Variants in DNAH5 observed in about 807,000 individuals in gnomAD.
DNAH5 encodes the protein dynein axonemal heavy chain 5.
A neutral mutation model predicts 518.2 loss-of-function variants in DNAH5; 372 were observed. The observed-to-expected ratio is 0.72, with a 90% CI of 0.66 to 0.78. DNAH5 has a LOEUF of 0.78. Among genes scored for constraint, DNAH5 ranks in the 30% least tolerant of loss-of-function variants. DNAH5 has a pLI of 0.00. For synonymous variants in DNAH5, 2,039 were observed against 2,025.9 expected (o/e 1.01, Z -0.17); for missense variants, 5,523 against 5,687.0 (o/e 0.97, Z 0.93).
At chr5:13,742,169 G>A (rs925642592) in intron 65 of DNAH5, among the ~76,000 whole-genome samples, 2 of 152,116 alleles carry the variant, frequency 1.3e-5, no homozygotes, top group East Asian at 1.9e-4. Context: ...TAGCTGAAAA[G>A]GGATAAGAAA....
At chr5:13,745,587 A>G (rs1337047317) in intron 65 of DNAH5, among the ~76,000 whole-genome samples, 1 of 152,060 alleles carries the variant, frequency 6.6e-6, no homozygotes. Context: ...GACACAGAAC[A>G]GCTGATGAAT....
chr5:14,004,663 C>T (rs2152086389), intron 1 of DNAH5, among the ~76,000 whole-genome samples: 1 of 152,328 alleles, frequency 6.6e-6, no homozygotes, highest in East Asian at 1.9e-4. Context: ...ACCACACTTA[C>T]TCTGTGAGGT....
In DNAH5 at chr5:13,855,354, G is replaced by A. The variant is rs1331886295; in HGVS notation, c.4950+4098C>T. 2.9e-5 allele frequency among the ~76,000 whole-genome samples: 3 copies of A among 104,316 alleles called. 1 individual carries two copies. The highest frequency in any genetic ancestry group is 6.9e-5 in the African/African-American group (2 of 29,144). 68.4% of individuals were successfully genotyped at this position (104,316 alleles called of 152,430 possible). On this transcript the variant is annotated intron_variant, in intron 30 of 78. Coordinates refer to ENST00000265104, the MANE Select transcript of DNAH5 (RefSeq NM_001369.3). Reference sequence around the variant, plus strand: ...CTCCCAAGTAGCTGGGACTACAGGCGCCCGCCACTACGCCCGGCTAATTTT... The same window carrying A: ...CTCCCAAGTAGCTGGGACTACAGGCACCCGCCACTACGCCCGGCTAATTTT...
rs748029385 is a variant in DNAH5 at position 13,817,522 on chromosome 5, A to G, written c.6988+26T>C. The G allele has an allele frequency of 4.3e-6, 7 of 1,610,282 alleles. No homozygotes were observed. In the Admixed American group the frequency reaches 8.3e-5, roughly 19 times the overall value. ...GATTCTATCTAGAAGTATAATCAAAAATAATCCTTGTAATTTATCTTCTAC... is the reference window on the plus strand; with the variant it reads ...GATTCTATCTAGAAGTATAATCAAAGATAATCCTTGTAATTTATCTTCTAC... On this transcript the variant is annotated intron_variant, in intron 42 of 78. Transcript: ENST00000265104.
rs529080443 is a variant in DNAH5 at position 13,810,193 on chromosome 5, G to A, written c.7475C>T (p.Ala2492Val). The part of the protein sequence containing the change: ...RLFVFALLWS[A>V]GAALELDGRR... ...TCCGTCCAGCTCCAGCGCCGCCCCC[G>A]CGCTCCACAGCAGCGCGAACACGAA... The change falls in exon 45 of 79, where the codon GCG becomes GTG. Residue 2492 changes from alanine to valine, a missense_variant. This residue lies in a region of DNAH5 where 5,121 missense variants were observed against 5,223.3 expected (regional missense o/e 0.98). Transcript: ENST00000265104. The A allele has an allele frequency of 2.1e-5, 33 of 1,549,524 alleles. No individual in the cohort carries two copies. Among genetic ancestry groups the A allele is most frequent in the Admixed American group, 2.0e-4 (10 of 50,944 alleles).
At chr5:13,913,134 C>A (rs1776221729) in intron 11 of DNAH5, among the ~76,000 whole-genome samples, 1 of 151,928 alleles carries the variant, frequency 6.6e-6, no homozygotes, top group Non-Finnish European at 1.5e-5. Context: ...TTGACTATGT[C>A]CATATTAAGA....
intron 1 of DNAH5, among the ~76,000 whole-genome samples, chr5:13,951,078 C>T (rs1780356538): frequency 6.6e-6 from 1 of 151,910 alleles, no homozygotes; most frequent in African/African-American, 2.4e-5. Flanking sequence ...TCACATTTTG[C>T]TACCTTTTAA....
At chr5:13,772,223 T>G (rs369786726) in intron 55 of DNAH5, among the ~76,000 whole-genome samples, 2 of 152,214 alleles carry the variant, frequency 1.3e-5, no homozygotes, top group East Asian at 3.8e-4. Flanking sequence ...ATGCTTTACT[T>G]GGCATTATGG....
chr5:13,858,959 T>C (rs2151898667), intron 30 of DNAH5, among the ~76,000 whole-genome samples: 1 of 152,330 alleles, frequency 6.6e-6, no homozygotes, highest in Non-Finnish European at 1.5e-5. Context: ...ATGATAAATA[T>C]ATACTTGACA....
chr5:13,975,896 C>A (rs1196189812), intron 1 of DNAH5, among the ~76,000 whole-genome samples: 1 of 152,202 alleles, frequency 6.6e-6, no homozygotes, highest in Non-Finnish European at 1.5e-5. Flanking sequence ...TTCTGCCAGG[C>A]ATGGTGGCTC....
chr5:13,907,459 G>T (rs189542010), intron 12 of DNAH5, among the ~76,000 whole-genome samples: 1 of 152,222 alleles, frequency 6.6e-6, no homozygotes, highest in African/African-American at 2.4e-5. Flanking sequence ...GAACCTGGGG[G>T]AGAGAAGGGG....
intron 12 of DNAH5, among the ~76,000 whole-genome samples, chr5:13,903,592 GA>G (rs1774942047): frequency 1.3e-5 from 2 of 151,736 alleles, no homozygotes; most frequent in South Asian, 4.1e-4. Context: ...AATATTAAAA[GA>G]TAGAAATATT....
intron 1 of DNAH5, among the ~76,000 whole-genome samples, chr5:13,931,726 A>G (rs919870983): frequency 1.3e-5 from 2 of 152,220 alleles, no homozygotes; most frequent in African/African-American, 2.4e-5. Context: ...TTAACTATCA[A>G]TTGTTAATTA....
At chr5:13,902,386 TG>T (rs1774750393) in intron 12 of DNAH5, among the ~76,000 whole-genome samples, 1 of 152,132 alleles carries the variant, frequency 6.6e-6, no homozygotes, top group Admixed American at 6.5e-5. Context: ...ACACAGAGCC[TG>T]GGGGGTGGCA....
intron 47 of DNAH5, among the ~76,000 whole-genome samples, chr5:13,802,514 G>A (rs961232767): frequency 4.2e-4 from 64 of 152,056 alleles, no homozygotes; most frequent in Middle Eastern, 3.4e-3. Context: ...GAAACTAATC[G>A]GCTCCTCCTC....
At chr5:13,844,780 G>A in intron 32 of DNAH5, 57 bp downstream of exon 32, 1 of 1,609,610 alleles carries the variant, frequency 6.2e-7, no homozygotes, top group East Asian at 2.2e-5. Flanking sequence ...GCTACTTAAA[G>A]ACAGTTGAGG....
intron 1 of DNAH5, among the ~76,000 whole-genome samples, chr5:13,969,300 T>C (rs1246508384): frequency 6.6e-6 from 1 of 152,190 alleles, no homozygotes; most frequent in Non-Finnish European, 1.5e-5. Flanking sequence ...TGTAATTTTT[T>C]TGTTTCAATT....
intron 75 of DNAH5, among the ~76,000 whole-genome samples, chr5:13,710,905 C>T (rs757796776): frequency 3.3e-4 from 50 of 152,146 alleles, no homozygotes; most frequent in Non-Finnish European, 5.7e-4. Context: ...AATCTAAGAC[C>T]AGAAGGATTC....
intron 27 of DNAH5, 38 bp downstream of exon 27, chr5:13,865,630 G>T: frequency 7.9e-7 from 1 of 1,264,290 alleles, no homozygotes; most frequent in Non-Finnish European, 1.2e-6. Flanking sequence ...AGCATTTGAA[G>T]TTCAATTGCT....
Sources: allele counts gnomAD v4.1 joint callset (sites outside exome capture counted in the v4.1 genomes callset), GRCh38; gene constraint gnomAD v4.1.1; regional missense constraint gnomAD v4.1.1; transcripts MANE v1.5; gene names NCBI Gene and HGNC (gene_info 2026-07-23, HGNC 2026-07-21).